The following GAPVD1 variants were observed in gnomAD, a reference collection of about 807,000 sequenced individuals.
GAPVD1 encodes the protein GTPase-activating protein and VPS9 domain-containing protein 1.
GAPVD1 carries 35 observed loss-of-function variants against 155.5 expected under a neutral mutation model. That is an observed-to-expected ratio of 0.23 (90% CI 0.17 to 0.30). GAPVD1 has a LOEUF of 0.30. GAPVD1 is among the 10% of genes least tolerant of loss of function. The probability of loss-of-function intolerance (pLI) is 1.00; values close to 1 mark genes in which losing one functional copy is unlikely to be tolerated. For missense variants in GAPVD1, 1,429 were observed against 1,775.7 expected, an observed-to-expected ratio of 0.80 and a Z score of 3.51; for synonymous variants, 636 against 619.7, an observed-to-expected ratio of 1.03 and a Z score of -0.39.
Position 125,307,566 on chromosome 9 carries a change from A to C in GAPVD1, c.1251+19A>C, listed in dbSNP as rs757613009. 1 of 1,602,136 alleles carries C rather than the reference A, an allele frequency of 6.2e-7. No homozygotes were observed. The highest frequency in any genetic ancestry group is 8.5e-7 in the Non-Finnish European group (1 of 1,172,586). ...TACTCTGGTAATGGCTTCATTGTTTAAGAGAATTTCTCGAAAGTCTTTTAG... is the reference window on the plus strand; with the variant it reads ...TACTCTGGTAATGGCTTCATTGTTTCAGAGAATTTCTCGAAAGTCTTTTAG... On this transcript the variant is annotated intron_variant, in intron 7 of 27. Transcript: ENST00000297933.
intron 11 of GAPVD1, among the ~76,000 whole-genome samples, chr9:125,325,171 G>A (rs1450539602): frequency 6.6e-6 from 1 of 151,736 alleles, no homozygotes; most frequent in Non-Finnish European, 1.5e-5. Context: ...GTTGCAGTGA[G>A]CTGAGATCGC....
At chr9:125,316,971 A>C (rs890519100) in intron 9 of GAPVD1, among the ~76,000 whole-genome samples, 8 of 152,162 alleles carry the variant, frequency 5.3e-5, no homozygotes, top group Non-Finnish European at 1.2e-4. Flanking sequence ...AAAACTTATG[A>C]GGCATATAAA....
chr9:125,362,218 T>C (rs1221502318), intron 27 of GAPVD1, among the ~76,000 whole-genome samples: 1 of 152,238 alleles, frequency 6.6e-6, no homozygotes, highest in Admixed American at 6.5e-5. Flanking sequence ...GTTTTTTCTT[T>C]CTCAGCTTAT....
chr9:125,345,764 C>G (rs41274396), intron 19 of GAPVD1: 1 of 152,150 alleles, frequency 6.6e-6, no homozygotes, highest in African/African-American at 2.4e-5. Context: ...GTACTTAGCA[C>G]AGTTCCTGGC....
At chr9:125,270,443 A>C (rs1378326100) in intron 2 of GAPVD1, among the ~76,000 whole-genome samples, 1 of 152,084 alleles carries the variant, frequency 6.6e-6, no homozygotes. Flanking sequence ...AAACAAAAAC[A>C]AAAGAATCTT....
At chr9:125,337,189 T>A in intron 16 of GAPVD1, 32 bp from the exon 17 acceptor site, 1 of 1,611,914 alleles carries the variant, frequency 6.2e-7, no homozygotes, top group Non-Finnish European at 8.5e-7. Context: ...ATGTTGTGTC[T>A]CAGTTACAAA....
intron 1 of GAPVD1, among the ~76,000 whole-genome samples, chr9:125,267,934 G>A (rs530394521): frequency 3.3e-5 from 5 of 152,124 alleles, no homozygotes; most frequent in African/African-American, 4.8e-5. Flanking sequence ...AGACCGAGGC[G>A]GGTGGATCAC....
chr9:125,299,429 G>A (rs913651266), intron 4 of GAPVD1, among the ~76,000 whole-genome samples: 25 of 152,282 alleles, frequency 1.6e-4, no homozygotes, highest in African/African-American at 5.3e-4. Context: ...AGGCCAAGGC[G>A]GGTGGATCAT....
chr9:125,269,334 G>A (rs560049481), intron 2 of GAPVD1, among the ~76,000 whole-genome samples: 26 of 151,486 alleles, frequency 1.7e-4, no homozygotes, highest in Admixed American at 4.0e-4. Flanking sequence ...CTGTTTTTTT[G>A]TCATACATAT....
chr9:125,293,896 A>T (rs1839375626), intron 2 of GAPVD1, among the ~76,000 whole-genome samples: 1 of 100,320 alleles, frequency 1.0e-5, no homozygotes, highest in Admixed American at 1.4e-4. Context: ...ATATATATAT[A>T]TATATATAAG....
At chr9:125,330,308 T>A in intron 13 of GAPVD1, 90 bp downstream of exon 13, 1 of 825,450 alleles carries the variant, frequency 1.2e-6, no homozygotes, top group Non-Finnish European at 1.8e-6. Context: ...GTATATTTTG[T>A]CAAATACACT....
intron 2 of GAPVD1, among the ~76,000 whole-genome samples, chr9:125,293,719 T>TA (rs1839070268): frequency 7.6e-6 from 1 of 132,112 alleles, no homozygotes; most frequent in East Asian, 2.1e-4. Flanking sequence ...ATTTTTATAT[T>TA]TTATATAAAT....
At chr9:125,316,294 C>T (rs537937680) in intron 9 of GAPVD1, among the ~76,000 whole-genome samples, 1 of 152,220 alleles carries the variant, frequency 6.6e-6, no homozygotes, top group South Asian at 2.1e-4. Context: ...CATAGATCTA[C>T]ATTAGATATT....
At chr9:125,262,069 T>A (rs1431942443) in intron 1 of GAPVD1, 110 bp downstream of exon 1, 1 of 152,248 alleles carries the variant, frequency 6.6e-6, no homozygotes, top group Non-Finnish European at 1.5e-5. Flanking sequence ...GGCCGTCAGG[T>A]CCAACTGACC....
At position 125,307,767 on chromosome 9, in the gene GAPVD1, A is replaced by G; in HGVS notation, c.1328A>G (p.Asn443Ser). ...ATGGCTCTTGACAATTTATTGGCAA[A>G]CCTACCCCCGGCCAAGCCAGGAAAA... is the stretch of plus-strand genomic sequence containing the variant. ...DRMALDNLLA[N>S]LPPAKPGKSS... The change falls in exon 8 of 28, where the codon AAC becomes AGC. Residue 443 changes from asparagine (N) to serine (S), a missense_variant. This residue lies in a region of GAPVD1 where 628 missense variants were observed against 733.4 expected (regional missense o/e 0.86). Coordinates refer to ENST00000297933, the MANE Select transcript of GAPVD1 (RefSeq NM_001282680.3). 6.2e-7 allele frequency: 1 copy of G among 1,613,900 alleles called. No homozygotes were observed. Among genetic ancestry groups the G allele is most frequent in the Non-Finnish European group, 8.5e-7 (1 of 1,179,794 alleles).
intron 9 of GAPVD1, among the ~76,000 whole-genome samples, chr9:125,320,300 A>T (rs1844132113): frequency 6.6e-6 from 1 of 152,236 alleles, no homozygotes. Context: ...TATACACACA[A>T]AGCTGAGTTG....
At chr9:125,282,329 G>T (rs991282370) in intron 2 of GAPVD1, among the ~76,000 whole-genome samples, 3 of 151,976 alleles carry the variant, frequency 2.0e-5, no homozygotes, top group African/African-American at 7.2e-5. Context: ...TAAAAACGGG[G>T]TTTCACCATG....
rs1851409861 is a variant in GAPVD1, at chr9:125,365,347, G to A, written c.*2601G>A. 1 of 150,572 alleles carries A rather than the reference G, an allele frequency of 6.6e-6. No homozygotes were observed. Among genetic ancestry groups the A allele is most frequent in the Non-Finnish European group, 1.5e-5 (1 of 67,778 alleles). 9.3% of individuals were successfully genotyped at this position (150,572 alleles called of 1,614,324 possible). ...TTTTTTTTTTTTTTAATAGAAAAGA[G>A]GAATAGTTGTTCCCCAAATGTTTCT... On this transcript the variant is annotated 3_prime_UTR_variant, in exon 28 of 28. Transcript: ENST00000297933.
intron 2 of GAPVD1, among the ~76,000 whole-genome samples, chr9:125,278,804 C>T (rs1564272700): frequency 6.6e-6 from 1 of 151,496 alleles, no homozygotes; most frequent in Non-Finnish European, 1.5e-5. Context: ...CACAGTACTC[C>T]AGCCTGGGTG....
Sources: allele counts gnomAD v4.1 joint callset (sites outside exome capture counted in the v4.1 genomes callset), GRCh38; gene constraint gnomAD v4.1.1; regional missense constraint gnomAD v4.1.1; transcripts MANE v1.5; gene names NCBI Gene and HGNC (gene_info 2026-07-23, HGNC 2026-07-21).